Variants in ROBO1 observed in about 807,000 individuals in gnomAD.
The protein encoded by ROBO1 is roundabout guidance receptor 1.
Under a neutral mutation model 195.9 loss-of-function variants are expected in ROBO1, and 149 were observed. That is an observed-to-expected ratio of 0.76 (90% CI 0.67 to 0.87). The LOEUF (loss-of-function observed/expected upper bound fraction) is 0.87. Ranked by LOEUF, ROBO1 falls within the 40% of genes least tolerant of loss-of-function variation. The pLI is 0.00. For synonymous variants in ROBO1, 816 were observed against 733.2 expected (o/e 1.11, Z -1.82); for missense variants, 1,933 against 2,068.3 (o/e 0.93, Z 1.27).
In ROBO1 at chr3:78,661,133, A is replaced by C; in HGVS notation, c.2217T>G (p.Pro739=). 6.2e-7 allele frequency: 1 copy of C among 1,613,754 alleles called. No individual in the cohort carries two copies. Among genetic ancestry groups the C allele is most frequent in the Middle Eastern group, 1.6e-4 (1 of 6,062 alleles). The stretch of plus-strand genomic sequence containing the variant: ...CATAGTTGACTCCCTTTCTGAGATC[A>C]GGGATTACCACACTGTTTTTGGCTG... ...RTPAKNSVVI[P]DLRKGVNYEI... is the part of the protein sequence containing the mutation. Residue 739 remains proline (P), a synonymous_variant, in exon 16 of 31, where the codon CCT becomes CCG. Coordinates refer to ENST00000464233, the MANE Select transcript of ROBO1 (RefSeq NM_002941.4).
At chr3:78,652,251 A>G (rs777781787) in intron 18 of ROBO1, among the ~76,000 whole-genome samples, 74 of 152,200 alleles carry the variant, frequency 4.9e-4, no homozygotes, top group Admixed American at 2.2e-3. Flanking sequence ...GACAGTGCTA[A>G]CTGAGAAAAA....
chr3:79,498,249 T>G (rs1939856221), intron 2 of ROBO1, among the ~76,000 whole-genome samples: 1 of 152,242 alleles, frequency 6.6e-6, no homozygotes. Flanking sequence ...TATTTTATAA[T>G]TTCAATACAT....
chr3:78,984,389 A>G (rs112994228), intron 3 of ROBO1, among the ~76,000 whole-genome samples: 12 of 152,306 alleles, frequency 7.9e-5, no homozygotes, highest in African/African-American at 2.9e-4. Flanking sequence ...ATGATTCAGA[A>G]GGTAGATGAA....
In ROBO1 at chr3:78,938,704, T is replaced by G. The variant is rs1168071927; in HGVS notation, c.396A>C (p.Ile132=). Reference sequence around the variant, plus strand: ...CAGGTCTACTTTTCCGTCCATGTACTATACGTAAGAAAAATAAAGATCCAC... The same window carrying G: ...CAGGTCTACTTTTCCGTCCATGTACGATACGTAAGAAAAATAAAGATCCAC... ...LPSGSLFFLR[I]VHGRKSRPDE... The change falls in exon 4 of 31, where the codon ATA becomes ATC. Residue 132 remains isoleucine, a synonymous_variant. Transcript: ENST00000464233. 3.1e-6 allele frequency: 5 copies of G among 1,613,890 alleles called. No individual in the cohort carries two copies. Among genetic ancestry groups the G allele is most frequent in the Non-Finnish European group, 4.2e-6 (5 of 1,179,900 alleles).
chr3:78,689,208 C>T (rs574495675), intron 8 of ROBO1, among the ~76,000 whole-genome samples: 1 of 152,216 alleles, frequency 6.6e-6, no homozygotes, highest in South Asian at 2.1e-4. Context: ...TGCTACCATG[C>T]AAATTATAAC....
intron 2 of ROBO1, among the ~76,000 whole-genome samples, chr3:79,228,043 T>C (rs898807409): frequency 1.4e-4 from 22 of 152,192 alleles, no homozygotes; most frequent in African/African-American, 4.8e-4. Flanking sequence ...AAGATTTTCA[T>C]AGACATTTCT....
intron 2 of ROBO1, among the ~76,000 whole-genome samples, chr3:79,573,817 CA>C (rs1576048815): frequency 2.6e-5 from 4 of 152,044 alleles, no homozygotes. Flanking sequence ...TTTGATCAAT[CA>C]AAAACCCAAG....
At chr3:79,576,240 A>T (rs900429451) in intron 2 of ROBO1, among the ~76,000 whole-genome samples, 1 of 151,906 alleles carries the variant, frequency 6.6e-6, no homozygotes, top group African/African-American at 2.4e-5. Flanking sequence ...GCATGCCATG[A>T]TGTGTTTTCT....
intron 4 of ROBO1, among the ~76,000 whole-genome samples, chr3:78,905,827 G>A (rs1024834219): frequency 6.6e-6 from 1 of 152,074 alleles, no homozygotes; most frequent in Non-Finnish European, 1.5e-5. Flanking sequence ...TTGATGAAGA[G>A]ATGAAGCCTC....
chr3:78,654,090 T>C (rs764208577), intron 18 of ROBO1, among the ~76,000 whole-genome samples: 2 of 152,388 alleles, frequency 1.3e-5, no homozygotes, highest in Admixed American at 1.3e-4. Context: ...TCATTACATA[T>C]GAATAACATT....
intron 2 of ROBO1, among the ~76,000 whole-genome samples, chr3:79,405,748 T>C (rs111303423): frequency 1.3e-5 from 2 of 152,206 alleles, no homozygotes; most frequent in East Asian, 1.9e-4. Flanking sequence ...GTGGATGTAA[T>C]GTTTCTTTGC....
At chr3:78,982,896 G>C (rs1044009205) in intron 3 of ROBO1, among the ~76,000 whole-genome samples, 1 of 152,080 alleles carries the variant, frequency 6.6e-6, no homozygotes, top group African/African-American at 2.4e-5. Flanking sequence ...TGGGATTACA[G>C]GTGTGAGACA....
intron 2 of ROBO1, among the ~76,000 whole-genome samples, chr3:79,495,250 C>A (rs1442733383): frequency 2.6e-5 from 4 of 152,042 alleles, no homozygotes; most frequent in Non-Finnish European, 5.9e-5. Flanking sequence ...TCTTACCTAT[C>A]AGAATTCTCC....
At chr3:79,561,793 G>A (rs933031109) in intron 2 of ROBO1, among the ~76,000 whole-genome samples, 4 of 152,054 alleles carry the variant, frequency 2.6e-5, no homozygotes, top group African/African-American at 9.7e-5. Flanking sequence ...GTTTAATAAT[G>A]GCAAGATGAA....
chr3:78,882,705 T>C (rs1246958643), intron 4 of ROBO1, among the ~76,000 whole-genome samples: 1 of 152,114 alleles, frequency 6.6e-6, no homozygotes, highest in African/African-American at 2.4e-5. Context: ...CTCTAATGTG[T>C]CCCTGTCATT....
At chr3:79,251,220 GAC>G (rs1273180842) in intron 2 of ROBO1, among the ~76,000 whole-genome samples, 3 of 152,102 alleles carry the variant, frequency 2.0e-5, no homozygotes, top group Non-Finnish European at 1.5e-5. Context: ...TATTAATAGA[GAC>G]AGATGCAAAA....
chr3:78,668,357 C>T (rs953830584), intron 12 of ROBO1, 55 bp from the exon 13 acceptor site: 32 of 1,598,924 alleles, frequency 2.0e-5, no homozygotes, highest in Non-Finnish European at 2.5e-5. Context: ...CACAGATAAG[C>T]GGATAAATGC....
chr3:79,051,423 C>T (rs1406089931), intron 3 of ROBO1, among the ~76,000 whole-genome samples: 1 of 152,054 alleles, frequency 6.6e-6, no homozygotes, highest in Non-Finnish European at 1.5e-5. Flanking sequence ...TAATAGCATA[C>T]CAACCAAAAA....
Position 79,035,838 on chromosome 3 carries a change from C to G in ROBO1, c.172+89618G>C, listed in dbSNP as rs190584780. Among the ~76,000 whole-genome samples, 6 of 152,028 alleles carry G rather than the reference C, an allele frequency of 3.9e-5. No homozygotes were observed. The East Asian group carries it at 1.2e-3, about 29-fold the overall frequency. ...TTGAAATTTAGCTTTTGTTAAACAA[C>G]TCGAAAACTTGTTTACTGCACAAAC... On this transcript the variant is annotated intron_variant, in intron 3 of 30. Transcript: ENST00000464233.
Sources: allele counts gnomAD v4.1 joint callset (sites outside exome capture counted in the v4.1 genomes callset), GRCh38; gene constraint gnomAD v4.1.1; transcripts MANE v1.5; gene names NCBI Gene and HGNC (gene_info 2026-07-23, HGNC 2026-07-21).